Variants in CSMD1 observed in about 807,000 individuals in gnomAD.
The protein encoded by CSMD1 is CUB and sushi domain-containing protein 1.
CSMD1 carries 213 observed loss-of-function variants against 417.5 expected under a neutral mutation model. That is an observed-to-expected ratio of 0.51 (90% CI 0.46 to 0.57). CSMD1 has a LOEUF of 0.57. Ranked by LOEUF, CSMD1 falls within the 20% of genes least tolerant of loss-of-function variation. CSMD1 has a pLI of 0.00. For missense variants in CSMD1, 6,923 were observed against 4,529.7 expected (o/e 1.53, Z -15.17); for synonymous variants, 2,862 against 1,736.8 (o/e 1.65, Z -16.11).
chr8:4,101,909 T>C (rs1263254858), intron 3 of CSMD1, among the ~76,000 whole-genome samples: 2 of 152,184 alleles, frequency 1.3e-5, no homozygotes, highest in Non-Finnish European at 2.9e-5. Context: ...CCTAATAATG[T>C]ACAGCATTTT....
chr8:3,636,860 G>A lies in CSMD1; in HGVS notation c.1010-20063C>T, dbSNP rs181479707. Among the ~76,000 whole-genome samples, 277 of 152,294 alleles carry A rather than the reference G, an allele frequency of 1.8e-3. 4 individuals carry two copies. Among genetic ancestry groups the A allele is most frequent in the Admixed American group, 0.016 (237 of 15,290 alleles). ...TTTAAATGTCCCTTCCAAGACTCAT[G>A]TTGAGATATATAGATTTTGTTGCCA... On this transcript the variant is annotated intron_variant, in intron 7 of 69. Transcript: ENST00000635120.
At chr8:3,261,704 C>T (rs915767892) in intron 26 of CSMD1, among the ~76,000 whole-genome samples, 3 of 152,034 alleles carry the variant, frequency 2.0e-5, no homozygotes, top group Admixed American at 2.0e-4. Flanking sequence ...CAAGCCGGCC[C>T]CATCAGCACC....
At position 4,755,251 on chromosome 8, in the gene CSMD1, T is replaced by C. The variant is rs565911542; in HGVS notation, c.86-117693A>G. 2.9e-4 allele frequency among the ~76,000 whole-genome samples: 44 copies of C among 152,374 alleles called. No homozygotes were observed. In the South Asian group the frequency reaches 9.1e-3, roughly 32 times the overall value. ...TGAGTCTTTGTTGTTTATACTCATG[T>C]AGGACAATATTTATGACTTTGCCTT... On this transcript the variant is annotated intron_variant, in intron 1 of 69. Transcript: ENST00000635120.
intron 1 of CSMD1, among the ~76,000 whole-genome samples, chr8:4,947,920 A>T (rs1253004834): frequency 1.3e-5 from 2 of 152,048 alleles, no homozygotes; most frequent in African/African-American, 4.8e-5. Flanking sequence ...ACATTCGGGT[A>T]ATTCTTGGGT....
chr8:4,802,732 T>C lies in CSMD1; in HGVS notation c.86-165174A>G, dbSNP rs868018164. Among the ~76,000 whole-genome samples the C allele has an allele frequency of 3.3e-5, 5 of 152,176 alleles. No homozygotes were observed. In the South Asian group the frequency reaches 6.2e-4, roughly 19 times the overall value. On this transcript the variant is annotated intron_variant, in intron 1 of 69. Transcript: ENST00000635120. ...TTGATATTATCTTCCAAAGAGAATG[T>C]TTAAATATGTCAACAATCATTTATT...
intron 3 of CSMD1, among the ~76,000 whole-genome samples, chr8:4,337,712 T>C (rs1463733768): frequency 1.3e-5 from 2 of 152,124 alleles, no homozygotes; most frequent in Non-Finnish European, 2.9e-5. Flanking sequence ...AAGAGTACAC[T>C]CAAGTATTTG....
At chr8:3,077,502 G>T (rs879826153) in intron 49 of CSMD1, among the ~76,000 whole-genome samples, 4 of 152,218 alleles carry the variant, frequency 2.6e-5, no homozygotes, top group Admixed American at 2.6e-4. Flanking sequence ...CCCTGTGATG[G>T]TCTCTGGGCA....
chr8:4,534,827 A>G (rs1462766703), intron 2 of CSMD1, among the ~76,000 whole-genome samples: 1 of 151,828 alleles, frequency 6.6e-6, no homozygotes, highest in African/African-American at 2.4e-5. Flanking sequence ...CAGTAGTGTG[A>G]TCTCAGCTCG....
At chr8:4,753,245 C>G (rs140931100) in intron 1 of CSMD1, among the ~76,000 whole-genome samples, 4 of 151,592 alleles carry the variant, frequency 2.6e-5, no homozygotes, top group African/African-American at 7.3e-5. Context: ...CTGTTCTGGG[C>G]TGAGTCACAA....
rs574720661 is a variant in CSMD1, at chr8:4,348,107, C to G, written c.415+71846G>C. Among the ~76,000 whole-genome samples, 10 of 152,226 alleles carry G rather than the reference C, an allele frequency of 6.6e-5. No homozygotes were observed. The East Asian group carries it at 1.4e-3, about 21-fold the overall frequency. ...TGGCCCAGGAAAAGTGAATGCTTGG[C>G]TAACTACCAGTTAGAAGTATTAAAG... On this transcript the variant is annotated intron_variant, in intron 3 of 69. Coordinates refer to ENST00000635120, the MANE Select transcript of CSMD1 (RefSeq NM_033225.6).
intron 3 of CSMD1, among the ~76,000 whole-genome samples, chr8:4,089,824 A>T (rs1267847266): frequency 6.6e-6 from 1 of 152,122 alleles, no homozygotes; most frequent in Non-Finnish European, 1.5e-5. Flanking sequence ...TTGGAGGGTG[A>T]GAGCTGAGGC....
chr8:4,408,255 G>A (rs1796445719), intron 3 of CSMD1, among the ~76,000 whole-genome samples: 1 of 152,148 alleles, frequency 6.6e-6, no homozygotes, highest in African/African-American at 2.4e-5. Flanking sequence ...TCTCTCCTCA[G>A]AGGATATGAA....
At chr8:4,183,113 C>A (rs1014365505) in intron 3 of CSMD1, among the ~76,000 whole-genome samples, 12 of 152,244 alleles carry the variant, frequency 7.9e-5, no homozygotes, top group Admixed American at 1.3e-4. Context: ...CAGAGATCAT[C>A]TTTATGCAGT....
chr8:3,083,225 G>A (rs1414798580), intron 49 of CSMD1, among the ~76,000 whole-genome samples: 1 of 151,788 alleles, frequency 6.6e-6, no homozygotes, highest in East Asian at 1.9e-4. Context: ...GACAGAACAT[G>A]TCTTCAATTT....
At chr8:4,275,275 C>G (rs1796417790) in intron 3 of CSMD1, among the ~76,000 whole-genome samples, 1 of 152,088 alleles carries the variant, frequency 6.6e-6, no homozygotes, top group East Asian at 1.9e-4. Context: ...TATGACTTCT[C>G]TTTTATGTTT....
At chr8:4,407,216 C>T (rs775503407) in intron 3 of CSMD1, among the ~76,000 whole-genome samples, 2 of 152,186 alleles carry the variant, frequency 1.3e-5, no homozygotes, top group East Asian at 1.9e-4. Context: ...CCCCTGAATT[C>T]CAGCTCTTCT....
At chr8:3,819,486 C>G (rs1009714314) in intron 5 of CSMD1, among the ~76,000 whole-genome samples, 1 of 148,942 alleles carries the variant, frequency 6.7e-6, no homozygotes. Context: ...TGGCACTGCT[C>G]TTTCTATTCT....
intron 2 of CSMD1, among the ~76,000 whole-genome samples, chr8:4,553,864 G>C (rs1254463395): frequency 1.3e-5 from 2 of 152,158 alleles, no homozygotes; most frequent in African/African-American, 2.4e-5. Flanking sequence ...GACTGGGTTA[G>C]CATAAACCAA....
At chr8:3,744,476 C>T (rs1796968751) in intron 6 of CSMD1, among the ~76,000 whole-genome samples, 1 of 146,304 alleles carries the variant, frequency 6.8e-6, no homozygotes, top group Non-Finnish European at 1.5e-5. Context: ...ACTAGGACTT[C>T]TAAACTTTTT....
Sources: allele counts gnomAD v4.1 joint callset (sites outside exome capture counted in the v4.1 genomes callset), GRCh38; gene constraint gnomAD v4.1.1; transcripts MANE v1.5; gene names NCBI Gene and HGNC (gene_info 2026-07-23, HGNC 2026-07-21).